Variants in FCRL1 observed in about 807,000 individuals in gnomAD.
FCRL1 encodes Fc receptor-like protein 1.
Under a neutral mutation model 49.2 loss-of-function variants are expected in FCRL1, and 34 were observed. The observed-to-expected ratio is 0.69, with a 90% CI of 0.53 to 0.92. The LOEUF (loss-of-function observed/expected upper bound fraction) is 0.92, where lower values mean the gene tolerates loss of function less well. Among genes scored for constraint, FCRL1 ranks in the 40% least tolerant of loss-of-function variants. The pLI is 0.00. For missense variants in FCRL1, 524 were observed against 524.1 expected, an observed-to-expected ratio of 1.00 and a Z score of 0.00; for synonymous variants, 218 against 201.6, an observed-to-expected ratio of 1.08 and a Z score of -0.69.
intron 1 of FCRL1, among the ~76,000 whole-genome samples, chr1:157,810,913 T>C (rs996773873): frequency 2.6e-5 from 4 of 152,132 alleles, no homozygotes; most frequent in Non-Finnish European, 4.4e-5. Flanking sequence ...TAGCTGGGAC[T>C]ACAGGCATGT....
rs924286937 is a variant in FCRL1 at position 157,806,973 on chromosome 1, C to T, written c.52+129G>A. 8.2e-6 allele frequency: 8 copies of T among 980,596 alleles called. No individual in the cohort carries two copies. In the South Asian group the frequency reaches 1.3e-4, roughly 15 times the overall value. The allele number at this position is 980,596 out of a possible 1,614,324, so 60.7% of individuals were successfully genotyped here. On this transcript the variant is annotated intron_variant, in intron 2 of 10. Transcript: ENST00000368176. ...GGGAGCCACTGATGTTTGTACACCT[C>T]AGCAGCTGTCACCCTGATATGTTTT...
chr1:157,807,245 T>G, intron 1 of FCRL1, 123 bp from the exon 2 acceptor site: 4 of 901,296 alleles, frequency 4.4e-6, no homozygotes, highest in Non-Finnish European at 6.6e-6. Context: ...CCTGCATCTC[T>G]CTCTTCCTCC....
intron 10 of FCRL1, among the ~76,000 whole-genome samples, chr1:157,796,850 C>G (rs562750038): frequency 6.6e-6 from 1 of 152,300 alleles, no homozygotes; most frequent in Admixed American, 6.5e-5. Context: ...TAGGTATGCA[C>G]TGCAGTTTAG....
intron 1 of FCRL1, among the ~76,000 whole-genome samples, chr1:157,807,747 A>C (rs1653706055): frequency 6.6e-6 from 1 of 152,242 alleles, no homozygotes; most frequent in African/African-American, 2.4e-5. Context: ...CTCAATGATC[A>C]AGAAAAAATA....
intron 2 of FCRL1, chr1:157,806,726 G>A (rs41273457): frequency 9.9e-5 from 16 of 161,130 alleles, no homozygotes; most frequent in Non-Finnish European, 1.8e-4. Flanking sequence ...AAGCACAACT[G>A]GGAATTGGAG....
chr1:157,807,088 G>A lies in FCRL1; in HGVS notation c.52+14C>T, dbSNP rs372113705. On this transcript the variant is annotated intron_variant, in intron 2 of 10. Transcript: ENST00000368176. The stretch of plus-strand genomic sequence containing the variant: ...ACCCACAGACCTTGAAGAAGAAAAG[G>A]AAGTGCAACTCACCGGCAGGTTCAC... 1.4e-5 allele frequency: 22 copies of A among 1,613,628 alleles called. No individual in the cohort carries two copies. The highest frequency in any genetic ancestry group is 1.8e-5 in the Non-Finnish European group (21 of 1,179,848).
chr1:157,802,777 A>G, intron 3 of FCRL1, 113 bp from the exon 4 acceptor site: 1 of 1,147,870 alleles, frequency 8.7e-7, no homozygotes. Context: ...AATGATGTAT[A>G]TAGCTTAATT....
intron 1 of FCRL1, among the ~76,000 whole-genome samples, chr1:157,819,287 G>A (rs1322803895): frequency 7.5e-6 from 1 of 133,624 alleles, no homozygotes; most frequent in Non-Finnish European, 1.7e-5. Flanking sequence ...AGTCATCAGG[G>A]TTGTGCATTT....
At chr1:157,797,164 C>T in intron 9 of FCRL1, 32 bp from the exon 10 acceptor site, 1 of 1,609,448 alleles carries the variant, frequency 6.2e-7, no homozygotes, top group Non-Finnish European at 8.5e-7. Context: ...TGTGACATTC[C>T]ACTTATATTT....
intron 10 of FCRL1, among the ~76,000 whole-genome samples, 184 bp downstream of exon 10, chr1:157,796,917 T>A (rs868222266): frequency 7.9e-5 from 12 of 152,368 alleles, no homozygotes; most frequent in Middle Eastern, 3.4e-3. Context: ...GCCTTCAAAC[T>A]TTCCTTGTAC....
intron 1 of FCRL1, among the ~76,000 whole-genome samples, chr1:157,810,440 G>A (rs1027554806): frequency 6.6e-6 from 1 of 151,980 alleles, no homozygotes; most frequent in Non-Finnish European, 1.5e-5. Context: ...AGGACTACAG[G>A]CTTGCACCAC....
chr1:157,797,470 G>C (rs1651699233), intron 9 of FCRL1, among the ~76,000 whole-genome samples: 1 of 152,146 alleles, frequency 6.6e-6, no homozygotes, highest in African/African-American at 2.4e-5. Context: ...TACTTAAAGA[G>C]GGCAGGCAGA....
At chr1:157,812,981 G>A (rs1163970920) in intron 1 of FCRL1, among the ~76,000 whole-genome samples, 1 of 152,100 alleles carries the variant, frequency 6.6e-6, no homozygotes, top group African/African-American at 2.4e-5. Context: ...GCACACACAA[G>A]CATTGCTGAC....
At position 157,795,130 on chromosome 1, in the gene FCRL1, A is replaced by G. The variant is rs924028263; in HGVS notation, c.*969T>C. On this transcript the variant is annotated 3_prime_UTR_variant, in exon 11 of 11. Coordinates refer to ENST00000368176, the MANE Select transcript of FCRL1 (RefSeq NM_052938.5). ...GAGTGCCTGGTTATTTTAAAATTCAATACATTGCTTGAGCCCAGGAGTTTG... is the reference window on the plus strand; with the variant it reads ...GAGTGCCTGGTTATTTTAAAATTCAGTACATTGCTTGAGCCCAGGAGTTTG... The G allele has an allele frequency of 6.6e-6, 1 of 152,172 alleles. No homozygotes were observed. The highest frequency in any genetic ancestry group is 2.4e-5 in the African/African-American group (1 of 41,448). 9.4% of individuals were successfully genotyped at this position (152,172 alleles called of 1,614,324 possible).
chr1:157,811,635 T>A lies in FCRL1; in HGVS notation c.32-4513A>T, dbSNP rs192278969. Among the ~76,000 whole-genome samples the A allele has an allele frequency of 2.0e-5, 3 of 152,264 alleles. No homozygotes were observed. In the East Asian group the frequency reaches 5.8e-4, roughly 29 times the overall value. The stretch of plus-strand genomic sequence containing the variant: ...CCATACTGTGGCTCCTCCCATCCCA[T>A]GACCCAAGCTACTACTGCACAGCAC... On this transcript the variant is annotated intron_variant, in intron 1 of 10. Coordinates refer to ENST00000368176, the MANE Select transcript of FCRL1 (RefSeq NM_052938.5).
intron 9 of FCRL1, 184 bp downstream of exon 9, chr1:157,797,684 A>G: frequency 6.9e-7 from 1 of 1,458,372 alleles, no homozygotes; most frequent in Non-Finnish European, 9.4e-7. Flanking sequence ...AAAGAACCTT[A>G]GCATTAGCTC....
intron 1 of FCRL1, among the ~76,000 whole-genome samples, chr1:157,810,884 C>G (rs1014768822): frequency 2.6e-5 from 4 of 152,160 alleles, no homozygotes; most frequent in Non-Finnish European, 4.4e-5. Context: ...AAGTGATCCT[C>G]TTACCTCAGC....
rs1351738931 is a variant in FCRL1 at position 157,797,935 on chromosome 1, A to G, written c.1119T>C (p.Asn373=). ...GQLQPIYENV[N]VVSGDEVYSL... is the part of the protein sequence containing the mutation. The stretch of plus-strand genomic sequence containing the variant: ...AATAAACCTCATCCCCACTTACAAC[A>G]TTCACTGCAAGAGAAGGAGGGAGAC... The change falls in exon 9 of 11, where the codon AAT becomes AAC. Residue 373 remains asparagine, a synonymous_variant. Coordinates refer to ENST00000368176, the MANE Select transcript of FCRL1 (RefSeq NM_052938.5). 25 of 1,614,064 alleles carry G rather than the reference A, an allele frequency of 1.5e-5. No individual in the cohort carries two copies. The highest frequency in any genetic ancestry group is 2.1e-5 in the Non-Finnish European group (25 of 1,179,952).
rs758001292 is a variant in FCRL1 at position 157,797,172 on chromosome 1, T to A, written c.1187-40A>T. ...CAAGTGCTGTGACATTCCACTTATA[T>A]TTAAAGTCCTTCACTAAACTTGTGT... On this transcript the variant is annotated intron_variant, in intron 9 of 10. Coordinates refer to ENST00000368176, the MANE Select transcript of FCRL1 (RefSeq NM_052938.5). 4.4e-6 allele frequency: 7 copies of A among 1,595,624 alleles called. 1 individual carries two copies. The South Asian group carries it at 7.7e-5, about 18-fold the overall frequency.
Sources: gnomAD v4.1 joint callset for allele counts (sites outside exome capture counted in the v4.1 genomes callset) on GRCh38, gnomAD v4.1.1 for gene constraint, MANE v1.5 for transcripts, NCBI Gene and HGNC (gene_info 2026-07-23, HGNC 2026-07-21) for gene names.